TACR2: variants seen among roughly 807,000 people sequenced by gnomAD.
TACR2 encodes tachykinin receptor 2.
TACR2 carries 24 observed loss-of-function variants against 28.9 expected under a neutral mutation model. The observed-to-expected ratio is 0.83, with a 90% CI of 0.60 to 1.17. TACR2 has a LOEUF of 1.17. Ranked by LOEUF, TACR2 falls within the 50% of genes most tolerant of loss-of-function variation. The probability of loss-of-function intolerance (pLI) is 0.00; values close to 1 mark genes in which losing one functional copy is unlikely to be tolerated. For missense variants in TACR2, 487 were observed against 524.4 expected, an observed-to-expected ratio of 0.93 and a Z score of 0.70; for synonymous variants, 222 against 212.6, an observed-to-expected ratio of 1.04 and a Z score of -0.38.
chr10:69,408,988 C>A lies in TACR2; in HGVS notation c.675G>T (p.Trp225Cys). The A allele has an allele frequency of 6.2e-7, 1 of 1,606,324 alleles. No individual in the cohort carries two copies. The highest frequency in any genetic ancestry group is 1.7e-5 in the Admixed American group (1 of 58,412). ...VAYSVIGLTLWRRAVPGHQAH... is the reference protein window; with the variant it reads ...VAYSVIGLTLCRRAVPGHQAH... ...CCTGATGTCCGGGCACTGCGCGCCT[C>A]CAGAGCGTGAGGCCGATGACGCTGT... The change falls in exon 3 of 5, where the codon TGG (tryptophan) becomes TGT (cysteine). Residue 225 changes from tryptophan (W) to cysteine (C), a missense_variant. Transcript: ENST00000373306.
chr10:69,412,834 TG>T (rs1228834382), intron 2 of TACR2, among the ~76,000 whole-genome samples: 1 of 152,080 alleles, frequency 6.6e-6, no homozygotes, highest in East Asian at 1.9e-4. Flanking sequence ...GGACCGCCTT[TG>T]TTTGTTTTGT....
chr10:69,407,191 C>T lies in TACR2; in HGVS notation c.831G>A (p.Glu277=), dbSNP rs142607892. The change falls in exon 4 of 5, where the codon GAG becomes GAA. Residue 277 remains glutamate (E), a synonymous_variant. Coordinates refer to ENST00000373306, the MANE Select transcript of TACR2 (RefSeq NM_001057.3). ...HLYFILGSFQ[E]DIYCHKFIQQ... is the part of the protein sequence containing the mutation. ...GGATGAACTTGTGGCAGTAGATGTCCTCCTGGAAGCTGCCCAGGATGAAGT... is the reference window on the plus strand; with the variant it reads ...GGATGAACTTGTGGCAGTAGATGTCTTCCTGGAAGCTGCCCAGGATGAAGT... 1.7e-4 allele frequency: 276 copies of T among 1,614,012 alleles called. No homozygotes were observed. In the African/African-American group the frequency reaches 2.1e-3, roughly 12 times the overall value.
At chr10:69,407,575 T>C (rs1422768957) in intron 3 of TACR2, among the ~76,000 whole-genome samples, 2 of 152,208 alleles carry the variant, frequency 1.3e-5, no homozygotes, top group African/African-American at 4.8e-5. Flanking sequence ...CTGGGACCCC[T>C]TCATTCACTG....
In TACR2 at chr10:69,405,012, C is replaced by T; in HGVS notation, c.1011G>A (p.Glu337=). The change falls in exon 5 of 5, where the codon GAG becomes GAA. Residue 337 remains glutamate (E), a synonymous_variant. Coordinates refer to ENST00000373306, the MANE Select transcript of TACR2 (RefSeq NM_001057.3). Reference sequence around the variant, plus strand: ...TGGAGAGGGAGGTCGTGGGAGTCAGCTCGAGCTTATCTTCCTTGGTGGGTG... The same window carrying T: ...TGGAGAGGGAGGTCGTGGGAGTCAGTTCGAGCTTATCTTCCTTGGTGGGTG... ...WVTPTKEDKL[E]LTPTTSLSTR... 2 of 1,614,170 alleles carry T rather than the reference C, an allele frequency of 1.2e-6. No individual in the cohort carries two copies. The highest frequency in any genetic ancestry group is 2.7e-5 in the African/African-American group (2 of 75,028).
At chr10:69,408,619 T>A (rs1564580429) in intron 3 of TACR2, among the ~76,000 whole-genome samples, 1 of 152,108 alleles carries the variant, frequency 6.6e-6, no homozygotes. Context: ...TTTCTTTAAT[T>A]TTGTATTTGG....
rs183227216 is a variant in TACR2, at chr10:69,415,770, C to T, written c.392+162G>A. ...TCTACCTTCTTCAGCTCCACAGTCC[C>T]CCTGCCTTCCAGATTCATAGTTTTG... On this transcript the variant is annotated intron_variant, in intron 1 of 4. Coordinates refer to ENST00000373306, the MANE Select transcript of TACR2 (RefSeq NM_001057.3). Among the ~76,000 whole-genome samples, 1,047 of 152,310 alleles carry T rather than the reference C, an allele frequency of 6.9e-3. 10 individuals are homozygous for T. The highest frequency in any genetic ancestry group is 9.7e-3 in the Non-Finnish European group (657 of 68,024).
intron 2 of TACR2, among the ~76,000 whole-genome samples, chr10:69,413,751 A>C (rs1840587711): frequency 6.6e-6 from 1 of 152,228 alleles, no homozygotes; most frequent in African/African-American, 2.4e-5. Flanking sequence ...CCCTCACCTC[A>C]GACCATGCAC....
At position 69,408,916 on chromosome 10, in the gene TACR2, G is replaced by A. The variant is rs773886387; in HGVS notation, c.741+6C>T. ...GCCCCCTCCAGGCCCCCGCCCCCGCGCCCACCTTCTTCATGGCCTGCAGGT... is the reference window on the plus strand; with the variant it reads ...GCCCCCTCCAGGCCCCCGCCCCCGCACCCACCTTCTTCATGGCCTGCAGGT... On this transcript the variant is annotated splice_donor_region_variant and intron_variant, in intron 3 of 4. Coordinates refer to ENST00000373306, the MANE Select transcript of TACR2 (RefSeq NM_001057.3). The A allele has an allele frequency of 6.8e-6, 9 of 1,328,052 alleles. No individual in the cohort carries two copies. Among genetic ancestry groups the A allele is most frequent in the Non-Finnish European group, 7.8e-6 (8 of 1,020,608 alleles). The allele number at this position is 1,328,052 out of a possible 1,614,324, so 82.3% of individuals were successfully genotyped here.
Position 69,416,341 on chromosome 10 carries a change from G to C in TACR2, c.-18C>G. 1 of 1,564,184 alleles carries C rather than the reference G, an allele frequency of 6.4e-7. No homozygotes were observed. Among genetic ancestry groups the C allele is most frequent in the Non-Finnish European group, 8.7e-7 (1 of 1,152,540 alleles). On this transcript the variant is annotated 5_prime_UTR_variant, in exon 1 of 5. Transcript: ENST00000373306. ...GTCCCCATGGCTGCTTCTGGGTCTG[G>C]AACAAAGGACCTGGCTCCTCGGCTC...
chr10:69,415,754 T>C (rs1010967345), intron 1 of TACR2, among the ~76,000 whole-genome samples, 178 bp downstream of exon 1: 3 of 152,204 alleles, frequency 2.0e-5, no homozygotes, highest in Non-Finnish European at 4.4e-5. Context: ...GTCTACCTTC[T>C]TCAGCTCCAC....
intron 2 of TACR2, among the ~76,000 whole-genome samples, chr10:69,412,920 T>G (rs1179502761): frequency 1.3e-5 from 2 of 152,106 alleles, no homozygotes; most frequent in African/African-American, 4.8e-5. Context: ...AACCTCCACC[T>G]CCCAGGTTCA....
At chr10:69,415,499 A>T (rs1840606390) in intron 1 of TACR2, among the ~76,000 whole-genome samples, 1 of 152,218 alleles carries the variant, frequency 6.6e-6, no homozygotes, top group South Asian at 2.1e-4. Context: ...TGGGAAAATA[A>T]TTGGCCCTAT....
At chr10:69,406,092 G>C (rs1179671608) in intron 4 of TACR2, among the ~76,000 whole-genome samples, 6 of 152,120 alleles carry the variant, frequency 3.9e-5, no homozygotes, top group Admixed American at 3.9e-4. Context: ...TTTCCTTTTG[G>C]CCTGCCCCAG....
rs142177867 is a variant in TACR2, at chr10:69,415,897, G to A, written c.392+35C>T. 6.7e-5 allele frequency: 107 copies of A among 1,601,784 alleles called. No homozygotes were observed. The East Asian group carries it at 2.4e-3, about 36-fold the overall frequency. Reference sequence around the variant, plus strand: ...CTTATCTGAGCCCCGGCTCAGTGGGGAGGCTCCCCCCAGCTTCCCCAAGGA... The same window carrying A: ...CTTATCTGAGCCCCGGCTCAGTGGGAAGGCTCCCCCCAGCTTCCCCAAGGA... On this transcript the variant is annotated intron_variant, in intron 1 of 4. Transcript: ENST00000373306.
In TACR2 at chr10:69,413,458, T is replaced by C. The variant is rs1191079254; in HGVS notation, c.587+1487A>G. On this transcript the variant is annotated intron_variant, in intron 2 of 4. Transcript: ENST00000373306. ...ACCGACCCCAAGTGGCCGGTCTCAATATGTTCTGCTCTCCACCCTTTGCTG... is the reference window on the plus strand; with the variant it reads ...ACCGACCCCAAGTGGCCGGTCTCAACATGTTCTGCTCTCCACCCTTTGCTG... Among the ~76,000 whole-genome samples the C allele has an allele frequency of 5.3e-5, 8 of 152,248 alleles. No homozygotes were observed. The South Asian group carries it at 1.7e-3, about 32-fold the overall frequency.
In TACR2 at chr10:69,407,106, T is replaced by TGATG. The variant is rs766200146; in HGVS notation, c.912_915dup (p.Ile306HisfsTer31). On this transcript the variant is annotated frameshift_variant, in exon 4 of 5. Coordinates refer to ENST00000373306, the MANE Select transcript of TACR2 (RefSeq NM_001057.3). LOFTEE classifies it high-confidence loss of function. ...CACCTGTGGTTGAGACAGCAGTAGA[T>TGATG]GATGGGATTGTACATGGTAGAGCTC... 6.2e-7 allele frequency: 1 copy of TGATG among 1,613,494 alleles called. No individual in the cohort carries two copies. The highest frequency in any genetic ancestry group is 8.5e-7 in the Non-Finnish European group (1 of 1,179,770).
chr10:69,405,137 G>A, intron 4 of TACR2, 53 bp from the exon 5 acceptor site: 1 of 1,473,000 alleles, frequency 6.8e-7, no homozygotes, highest in South Asian at 1.2e-5. Flanking sequence ...CAGGAGCTGT[G>A]ATGTGACTGC....
Position 69,409,020 on chromosome 10 carries a change from C to G in TACR2, c.643G>C (p.Val215Leu), listed in dbSNP as rs1433994394. 1 of 1,608,174 alleles carries G rather than the reference C, an allele frequency of 6.2e-7. No homozygotes were observed. Among genetic ancestry groups the G allele is most frequent in the South Asian group, 1.1e-5 (1 of 90,376 alleles). The change falls in exon 3 of 5, where the codon GTA (valine) becomes CTA (leucine). Residue 215 changes from valine (V) to leucine (L), a missense_variant. Transcript: ENST00000373306. ...IYFLPLAVMF[V>L]AYSVIGLTLW... Reference sequence around the variant, plus strand: ...GTGAGGCCGATGACGCTGTAGGCTACAAACATCACCGCGAGCGGCAGGAAG... The same window carrying G: ...GTGAGGCCGATGACGCTGTAGGCTAGAAACATCACCGCGAGCGGCAGGAAG...
intron 2 of TACR2, chr10:69,409,343 C>CA: frequency 5.9e-6 from 2 of 336,578 alleles, no homozygotes; most frequent in South Asian, 1.3e-4. Context: ...AGACACGTGT[C>CA]AAAAAAAGGA....
Sources: gnomAD v4.1 joint callset for allele counts (sites outside exome capture counted in the v4.1 genomes callset) on GRCh38, gnomAD v4.1.1 for gene constraint, MANE v1.5 for transcripts, NCBI Gene and HGNC (gene_info 2026-07-23, HGNC 2026-07-21) for gene names.